The following TMEM132D variants were observed in gnomAD, a reference collection of about 807,000 sequenced individuals.
TMEM132D encodes transmembrane protein 132D.
A neutral mutation model predicts 62.3 loss-of-function variants in TMEM132D; 21 were observed. That is an observed-to-expected ratio of 0.34 (90% CI 0.24 to 0.49). The LOEUF (loss-of-function observed/expected upper bound fraction) is 0.49, where lower values mean the gene tolerates loss of function less well. Among genes scored for constraint, TMEM132D ranks in the 20% least tolerant of loss-of-function variants. TMEM132D has a pLI of 0.99. For missense variants in TMEM132D, 1,346 were observed against 1,402.8 expected, an observed-to-expected ratio of 0.96 and a Z score of 0.65; for synonymous variants, 621 against 575.6, an observed-to-expected ratio of 1.08 and a Z score of -1.13.
At chr12:129,438,362 G>A (rs948106610) in intron 3 of TMEM132D, among the ~76,000 whole-genome samples, 37 of 152,142 alleles carry the variant, frequency 2.4e-4, no homozygotes, top group African/African-American at 8.7e-4. Flanking sequence ...CACACTGGAA[G>A]CAACTCAAAT....
intron 1 of TMEM132D, among the ~76,000 whole-genome samples, chr12:129,778,342 A>G (rs1871014031): frequency 6.6e-6 from 1 of 152,072 alleles, no homozygotes; most frequent in Admixed American, 6.6e-5. Context: ...TGATGCTCCA[A>G]CAACCCAGGG....
At chr12:129,565,013 T>C (rs1170622180) in intron 2 of TMEM132D, among the ~76,000 whole-genome samples, 1 of 152,204 alleles carries the variant, frequency 6.6e-6, no homozygotes, top group Non-Finnish European at 1.5e-5. Context: ...GCCTAATTAC[T>C]CACTCTGTGG....
intron 3 of TMEM132D, among the ~76,000 whole-genome samples, chr12:129,387,731 G>C (rs779178504): frequency 6.6e-6 from 1 of 150,418 alleles, no homozygotes; most frequent in Admixed American, 6.6e-5. Context: ...ACACCAACAC[G>C]AATCCTAATA....
intron 4 of TMEM132D, among the ~76,000 whole-genome samples, chr12:129,251,636 T>C (rs1880270253): frequency 6.6e-6 from 1 of 152,196 alleles, no homozygotes; most frequent in South Asian, 2.1e-4. Context: ...AGTTAGTGTT[T>C]TTGACAACGT....
chr12:129,315,522 G>C (rs964757513), intron 4 of TMEM132D, among the ~76,000 whole-genome samples: 1 of 152,056 alleles, frequency 6.6e-6, no homozygotes, highest in Non-Finnish European at 1.5e-5. Flanking sequence ...TTATCTTTTC[G>C]ATATGTTTTT....
At chr12:129,676,505 C>T (rs186438347) in intron 2 of TMEM132D, among the ~76,000 whole-genome samples, 3 of 152,262 alleles carry the variant, frequency 2.0e-5, no homozygotes, top group East Asian at 1.9e-4. Flanking sequence ...GTACCAGCAT[C>T]GGCTTGGCTT....
chr12:129,719,960 T>G (rs917231776), intron 1 of TMEM132D, among the ~76,000 whole-genome samples: 1 of 151,996 alleles, frequency 6.6e-6, no homozygotes, highest in African/African-American at 2.4e-5. Context: ...CTGGGTGCCT[T>G]ATTCCGCTTT....
chr12:129,582,576 A>G (rs1468405332), intron 2 of TMEM132D, among the ~76,000 whole-genome samples: 2 of 151,628 alleles, frequency 1.3e-5, no homozygotes, highest in Non-Finnish European at 2.9e-5. Flanking sequence ...ACTTAGGTAA[A>G]TAGTATTTGA....
intron 1 of TMEM132D, among the ~76,000 whole-genome samples, chr12:129,788,545 A>C (rs1051254844): frequency 6.6e-6 from 1 of 152,252 alleles, no homozygotes; most frequent in African/African-American, 2.4e-5. Flanking sequence ...AAAGTAGAAG[A>C]AAAATCAACG....
At chr12:129,482,517 GGTT>G (rs1211268641) in intron 3 of TMEM132D, among the ~76,000 whole-genome samples, 5 of 152,174 alleles carry the variant, frequency 3.3e-5, no homozygotes, top group Non-Finnish European at 7.4e-5. Flanking sequence ...GACTTCACCA[GGTT>G]GTTGACACCA....
rs182635795 is a variant in TMEM132D, at chr12:129,392,712, C to A, written c.1116-54895G>T. Among the ~76,000 whole-genome samples, 236 of 152,252 alleles carry A rather than the reference C, an allele frequency of 1.6e-3. 1 individual carries two copies. Among genetic ancestry groups the A allele is most frequent in the African/African-American group, 5.6e-3 (231 of 41,558 alleles). On this transcript the variant is annotated intron_variant, in intron 3 of 8. Transcript: ENST00000422113. Reference sequence around the variant, plus strand: ...CACCACCCTTGATGGAACAAGCCCTCCCCCAACCCTCACCCCAGTGATTTT... The same window carrying A: ...CACCACCCTTGATGGAACAAGCCCTACCCCAACCCTCACCCCAGTGATTTT...
intron 5 of TMEM132D, chr12:129,208,971 A>C (rs1461633895): frequency 2.6e-5 from 4 of 152,378 alleles, no homozygotes; most frequent in African/African-American, 9.7e-5. Context: ...CTGTTCATCC[A>C]CATCCCTAGC....
intron 2 of TMEM132D, among the ~76,000 whole-genome samples, chr12:129,589,428 T>C (rs71466407): frequency 6.6e-6 from 1 of 152,228 alleles, no homozygotes; most frequent in Admixed American, 6.5e-5. Flanking sequence ...ATCAGCAGCA[T>C]GAAAACAGAC....
chr12:129,863,254 A>G lies in TMEM132D; in HGVS notation c.79+40007T>C, dbSNP rs762596065. Among the ~76,000 whole-genome samples the G allele has an allele frequency of 7.2e-5, 11 of 152,262 alleles. No individual in the cohort carries two copies. In the Middle Eastern group the frequency reaches 0.014, roughly 188 times the overall value. On this transcript the variant is annotated intron_variant, in intron 1 of 8. Coordinates refer to ENST00000422113, the MANE Select transcript of TMEM132D (RefSeq NM_133448.3). ...GATTTGTGGACAGTGCTAAGGAATC[A>G]GCTAGCCAGCCACCCCCACCCCCAG... is the stretch of plus-strand genomic sequence containing the variant.
At chr12:129,427,313 A>G (rs548335136) in intron 3 of TMEM132D, among the ~76,000 whole-genome samples, 61 of 151,948 alleles carry the variant, frequency 4.0e-4, no homozygotes, top group African/African-American at 1.4e-3. Context: ...GGACGCATCA[A>G]GAAAGGAAGC....
At chr12:129,185,789 A>G (rs61944832) in intron 5 of TMEM132D, among the ~76,000 whole-genome samples, 95 of 30,484 alleles carry the variant, frequency 3.1e-3, no homozygotes, top group South Asian at 0.027. Context: ...CTATCTATCT[A>G]TCTATCTATC....
chr12:129,602,034 G>A (rs1374110454), intron 2 of TMEM132D, among the ~76,000 whole-genome samples: 1 of 151,986 alleles, frequency 6.6e-6, no homozygotes, highest in East Asian at 1.9e-4. Flanking sequence ...CACTTGTTTT[G>A]AGTGGTATAA....
chr12:129,320,838 T>C (rs1250621558), intron 4 of TMEM132D, among the ~76,000 whole-genome samples: 1 of 152,180 alleles, frequency 6.6e-6, no homozygotes, highest in Non-Finnish European at 1.5e-5. Flanking sequence ...TCCATCTTTT[T>C]TCAGGTAAAA....
At chr12:129,299,704 G>T (rs1426475099) in intron 4 of TMEM132D, among the ~76,000 whole-genome samples, 5 of 149,744 alleles carry the variant, frequency 3.3e-5, no homozygotes, top group Admixed American at 3.3e-4. Flanking sequence ...TGCTTTATTG[G>T]TATTAGATTT....
Sources: gnomAD v4.1 joint callset for allele counts (sites outside exome capture counted in the v4.1 genomes callset) on GRCh38, gnomAD v4.1.1 for gene constraint, MANE v1.5 for transcripts, NCBI Gene and HGNC (gene_info 2026-07-23, HGNC 2026-07-21) for gene names.